LRRC47: variants seen among roughly 807,000 people sequenced by gnomAD.
The protein encoded by LRRC47 is leucine rich repeat containing 47.
In LRRC47, 31 loss-of-function variants were observed where a neutral mutation model predicts 40.9. The ratio of observed to expected loss-of-function variants is 0.76; its 90% CI spans 0.57 to 1.02. The LOEUF (loss-of-function observed/expected upper bound fraction) is 1.02. Among genes scored for constraint, LRRC47 ranks in the 50% least tolerant of loss-of-function variants. The probability of loss-of-function intolerance (pLI) is 0.00; values close to 1 mark genes in which losing one functional copy is unlikely to be tolerated. For missense variants in LRRC47, 726 were observed against 796.1 expected, an observed-to-expected ratio of 0.91 and a Z score of 1.06; for synonymous variants, 427 against 371.9, an observed-to-expected ratio of 1.15 and a Z score of -1.70.
At position 3,784,198 on chromosome 1, in the gene LRRC47, G is replaced by GC. The variant is rs1375900689; in HGVS notation, c.1195-88dup. ...CGATTACGGCCTTAAGCCTCAATGA[G>GC]CCCTCCCGACTCCCGCCCTCATTCA... On this transcript the variant is annotated intron_variant, in intron 3 of 6. Transcript: ENST00000378251. 4 of 1,119,404 alleles carry GC rather than the reference G, an allele frequency of 3.6e-6. No individual in the cohort carries two copies. In the African/African-American group the frequency reaches 4.6e-5, roughly 13 times the overall value. The allele number at this position is 1,119,404 out of a possible 1,614,324, so 69.3% of individuals were successfully genotyped here.
Position 3,786,066 on chromosome 1 carries a change from C to T in LRRC47, c.1077+783G>A, listed in dbSNP as rs1000625061. On this transcript the variant is annotated intron_variant, in intron 2 of 6. Coordinates refer to ENST00000378251, the MANE Select transcript of LRRC47 (RefSeq NM_020710.3). ...TGTGTTTTCGGTAGAGATGGGGTTT[C>T]GTCATGTTGTCCAGGCTGGTCTCAA... Among the ~76,000 whole-genome samples, 9 of 152,134 alleles carry T rather than the reference C, an allele frequency of 5.9e-5. No individual in the cohort carries two copies. In the East Asian group the frequency reaches 7.8e-4, roughly 13 times the overall value.
At chr1:3,793,707 A>G (rs973038775) in intron 1 of LRRC47, among the ~76,000 whole-genome samples, 2 of 152,128 alleles carry the variant, frequency 1.3e-5, no homozygotes, top group African/African-American at 4.8e-5. Context: ...ATGTCTGATC[A>G]ATGGCTCTAC....
chr1:3,785,061 A>G, intron 3 of LRRC47, 26 bp downstream of exon 3: 1 of 1,545,066 alleles, frequency 6.5e-7, no homozygotes, highest in Non-Finnish European at 8.8e-7. Flanking sequence ...ACTCTTCAGC[A>G]GACCCTGCAA....
Position 3,784,102 on chromosome 1 carries a change from A to G in LRRC47, c.1204T>C (p.Leu402=). 1 of 1,610,732 alleles carries G rather than the reference A, an allele frequency of 6.2e-7. No homozygotes were observed. The highest frequency in any genetic ancestry group is 8.5e-7 in the Non-Finnish European group (1 of 1,178,546). The change falls in exon 4 of 7, where the codon TTG becomes CTG. Residue 402 remains leucine (L), a synonymous_variant. Coordinates refer to ENST00000378251, the MANE Select transcript of LRRC47 (RefSeq NM_020710.3). ...TTGGCCTTGGCTTCTTTCCGCCCCAAGGGGACAATCTATCGGGCAGAAACC... is the reference window on the plus strand; with the variant it reads ...TTGGCCTTGGCTTCTTTCCGCCCCAGGGGGACAATCTATCGGGCAGAAACC... ...RPPQDLKIVP[L]GRKEAKAKEL... is the part of the protein sequence containing the mutation.
chr1:3,782,014 C>G (rs1391091914), intron 5 of LRRC47, among the ~76,000 whole-genome samples: 2 of 152,118 alleles, frequency 1.3e-5, no homozygotes, highest in African/African-American at 2.4e-5. Flanking sequence ...TCACACACAC[C>G]AAGCCCACTC....
At chr1:3,788,128 G>C (rs777709420) in intron 1 of LRRC47, among the ~76,000 whole-genome samples, 2 of 152,258 alleles carry the variant, frequency 1.3e-5, no homozygotes, top group Non-Finnish European at 2.9e-5. Flanking sequence ...CGCAGGGAAC[G>C]TGCGTGTGAG....
intron 1 of LRRC47, among the ~76,000 whole-genome samples, chr1:3,794,163 C>T (rs192451954): frequency 4.2e-3 from 641 of 152,184 alleles, no homozygotes; most frequent in African/African-American, 0.015. Context: ...CCACTGCACA[C>T]CAGCCTGGGA....
In LRRC47 at chr1:3,781,061, A is replaced by C; in HGVS notation, c.*27T>G. 6.2e-7 allele frequency: 1 copy of C among 1,600,282 alleles called. No homozygotes were observed. Among genetic ancestry groups the C allele is most frequent in the Non-Finnish European group, 8.5e-7 (1 of 1,170,214 alleles). ...ATAGAAACCTCCGCAAAACCGGCCAAACAAACGCGGACAGGCGGCCCTGGC... is the reference window on the plus strand; with the variant it reads ...ATAGAAACCTCCGCAAAACCGGCCACACAAACGCGGACAGGCGGCCCTGGC... On this transcript the variant is annotated 3_prime_UTR_variant, in exon 7 of 7. Transcript: ENST00000378251.
chr1:3,784,513 G>A (rs548848811), intron 3 of LRRC47, among the ~76,000 whole-genome samples: 196 of 152,318 alleles, frequency 1.3e-3, no homozygotes, highest in African/African-American at 4.2e-3. Context: ...CCACGCAAAC[G>A]GTTTTACTAT....
rs763740847 is a variant in LRRC47, at chr1:3,781,609, GA to G, written c.1414-9del. 1 of 1,603,016 alleles carries G rather than the reference GA, an allele frequency of 6.2e-7. No individual in the cohort carries two copies. The highest frequency in any genetic ancestry group is 8.5e-7 in the Non-Finnish European group (1 of 1,171,900). ...AGAAGTCGTTTTCTTAACCTTAAAA[GA>G]AAAAAACATTTCAGAAAAGAACAGT... On this transcript the variant is annotated splice_polypyrimidine_tract_variant and intron_variant, in intron 5 of 6. Coordinates refer to ENST00000378251, the MANE Select transcript of LRRC47 (RefSeq NM_020710.3).
Position 3,796,328 on chromosome 1 carries a change from G to C in LRRC47, c.149C>G (p.Pro50Arg). ...GQLPPRLFTLPLLHYLEVSGC... is the reference protein window; with the variant it reads ...GQLPPRLFTLRLLHYLEVSGC... ...GCTCACTTCCAAGTAGTGCAGCAGC[G>C]GCAGGGTGAAAAGCCGCGGCGGCAG... The change falls in exon 1 of 7, where the codon CCG (proline) becomes CGG (arginine). Residue 50 changes from proline to arginine, a missense_variant. Transcript: ENST00000378251. 1.3e-6 allele frequency: 2 copies of C among 1,508,052 alleles called. No individual in the cohort carries two copies. Among genetic ancestry groups the C allele is most frequent in the Non-Finnish European group, 8.8e-7 (1 of 1,136,010 alleles). The allele number at this position is 1,508,052 out of a possible 1,614,324, so 93.4% of individuals were successfully genotyped here.
In LRRC47 at chr1:3,785,223, A is replaced by G; in HGVS notation, c.1078-20T>C. 1.3e-6 allele frequency: 2 copies of G among 1,499,938 alleles called. No individual in the cohort carries two copies. The highest frequency in any genetic ancestry group is 1.8e-6 in the Non-Finnish European group (2 of 1,117,000). 92.9% of individuals were successfully genotyped at this position (1,499,938 alleles called of 1,614,324 possible). On this transcript the variant is annotated intron_variant, in intron 2 of 6. Transcript: ENST00000378251. ...CTTGGTCTGTAACACAGAAGCAGTG[A>G]TGAGCAAGGTCTCTTGTGCCCTGAA... is the stretch of plus-strand genomic sequence containing the variant.
chr1:3,782,638 T>C (rs772938399), intron 5 of LRRC47, 23 bp downstream of exon 5: 3 of 1,342,340 alleles, frequency 2.2e-6, no homozygotes, highest in Admixed American at 1.7e-5. Flanking sequence ...AGACACACCA[T>C]GTTCACACAC....
chr1:3,783,420 C>CAAAAAAAAA (rs56305825), intron 4 of LRRC47, among the ~76,000 whole-genome samples: 1 of 116,124 alleles, frequency 8.6e-6, no homozygotes, highest in Non-Finnish European at 1.8e-5. Flanking sequence ...GACCCCATCT[C>CAAAAAAAAA]AAAAAAAAAA....
chr1:3,787,347 C>G (rs777623480), intron 1 of LRRC47, 37 bp from the exon 2 acceptor site: 1 of 1,568,574 alleles, frequency 6.4e-7, no homozygotes, highest in East Asian at 2.2e-5. Flanking sequence ...GACGCCCGGA[C>G]TCTGGGAAGA....
At chr1:3,781,755 G>T (rs183272112) in intron 5 of LRRC47, among the ~76,000 whole-genome samples, 154 bp from the exon 6 acceptor site, 1 of 152,304 alleles carries the variant, frequency 6.6e-6, no homozygotes, top group East Asian at 1.9e-4. Context: ...TGATGTGGGA[G>T]GATTGCTTGA....
At chr1:3,795,636 AGGCCACCTAGTATGTTGGTGTGGCCAG>A (rs1643666233) in intron 1 of LRRC47, among the ~76,000 whole-genome samples, 199 bp downstream of exon 1, 1 of 152,244 alleles carries the variant, frequency 6.6e-6, no homozygotes, top group Non-Finnish European at 1.5e-5. Flanking sequence ...GGGAGTTCAG[AGGCCACCTAGTATGTTGGTGTGGCCAG>A]GAGAAGGGGG....
At position 3,787,376 on chromosome 1, in the gene LRRC47, G is replaced by C. The variant is rs755364443; in HGVS notation, c.616-66C>G. 14 of 1,431,330 alleles carry C rather than the reference G, an allele frequency of 9.8e-6. No homozygotes were observed. The East Asian group carries it at 1.2e-4, about 12-fold the overall frequency. The allele number at this position is 1,431,330 out of a possible 1,614,324, so 88.7% of individuals were successfully genotyped here. On this transcript the variant is annotated intron_variant, in intron 1 of 6. Transcript: ENST00000378251. ...GGGAAGAGAGTCCAAGGTCATGCTC[G>C]AGAGGCAGGGAGACCACTCATCACT... is the stretch of plus-strand genomic sequence containing the variant.
chr1:3,781,920 G>A (rs546911939), intron 5 of LRRC47, among the ~76,000 whole-genome samples: 1 of 152,338 alleles, frequency 6.6e-6, no homozygotes, highest in South Asian at 2.1e-4. Flanking sequence ...GTTTGAGGCT[G>A]CAGTGAGCTA....
Sources: allele counts gnomAD v4.1 joint callset (sites outside exome capture counted in the v4.1 genomes callset), GRCh38; gene constraint gnomAD v4.1.1; transcripts MANE v1.5; gene names NCBI Gene and HGNC (gene_info 2026-07-23, HGNC 2026-07-21).